CASD1: variants seen among roughly 807,000 people sequenced by gnomAD.
CASD1 encodes N-acetylneuraminate (7)9-O-acetyltransferase.
Under a neutral mutation model 100.0 loss-of-function variants are expected in CASD1, and 41 were observed. The ratio of observed to expected loss-of-function variants is 0.41; its 90% CI spans 0.32 to 0.53. The LOEUF is 0.53. Among genes scored for constraint, CASD1 ranks in the 20% least tolerant of loss-of-function variants. The probability of loss-of-function intolerance (pLI) is 0.25; values close to 1 mark genes in which losing one functional copy is unlikely to be tolerated. For missense variants in CASD1, 774 were observed against 948.7 expected, an observed-to-expected ratio of 0.82 and a Z score of 2.42; for synonymous variants, 321 against 315.6, an observed-to-expected ratio of 1.02 and a Z score of -0.18.
intron 3 of CASD1, among the ~76,000 whole-genome samples, chr7:94,523,854 C>T (rs1004868109): frequency 1.3e-5 from 2 of 151,994 alleles, no homozygotes; most frequent in African/African-American, 4.8e-5. Flanking sequence ...AACAAAGAAA[C>T]CATTAGAATA....
the CASD1 span, among the ~76,000 whole-genome samples, chr7:94,610,055 C>T: frequency 2.0e-5 from 3 of 151,992 alleles, no homozygotes; most frequent in South Asian, 2.1e-4. Context: ...AGCCATGAAA[C>T]GATATGGAAG....
chr7:94,541,868 A>G (rs1332621070), intron 10 of CASD1, among the ~76,000 whole-genome samples: 1 of 152,038 alleles, frequency 6.6e-6, no homozygotes, highest in Non-Finnish European at 1.5e-5. Context: ...AGGTGGTGAA[A>G]TAGTTTAGGA....
chr7:94,629,499 A>C, the CASD1 span: 1 of 457,822 alleles, frequency 2.2e-6, no homozygotes, highest in South Asian at 2.2e-5. Context: ...CTCAAGACTG[A>C]GAATCCAGAA....
At chr7:94,621,336 G>A in the CASD1 span, 5 of 152,184 alleles carry the variant, frequency 3.3e-5, no homozygotes, top group African/African-American at 1.2e-4. Context: ...ACTGCCTGGA[G>A]TAAAGGTGGA....
rs1012788325 is a variant in CASD1 at position 94,547,080 on chromosome 7, A to G, written c.1634-16A>G. On this transcript the variant is annotated splice_polypyrimidine_tract_variant and intron_variant, in intron 12 of 17. Coordinates refer to ENST00000297273, the MANE Select transcript of CASD1 (RefSeq NM_022900.5). ...ATAAATTTATTTTTTAGTAAATTAA[A>G]TATTTTCTCTCTTAGGAAATTGTTT... 8 of 1,522,664 alleles carry G rather than the reference A, an allele frequency of 5.3e-6. No homozygotes were observed. In the African/African-American group the frequency reaches 5.6e-5, roughly 11 times the overall value. 94.3% of individuals were successfully genotyped at this position (1,522,664 alleles called of 1,614,324 possible).
At chr7:94,611,329 G>A in the CASD1 span, among the ~76,000 whole-genome samples, 2 of 152,072 alleles carry the variant, frequency 1.3e-5, no homozygotes, top group African/African-American at 4.8e-5. Context: ...ATGAAATACT[G>A]ATTTATTCTA....
intron 5 of CASD1, among the ~76,000 whole-genome samples, chr7:94,532,096 C>G (rs1449592554): frequency 6.6e-6 from 1 of 151,984 alleles, no homozygotes; most frequent in African/African-American, 2.4e-5. Context: ...TATACTATTG[C>G]TATATATTAT....
chr7:94,512,289 A>C (rs989509298), intron 1 of CASD1, among the ~76,000 whole-genome samples: 1 of 152,218 alleles, frequency 6.6e-6, no homozygotes, highest in African/African-American at 2.4e-5. Flanking sequence ...CGTATCATTT[A>C]AAGAAGGTTT....
chr7:94,633,380 A>T, the CASD1 span, among the ~76,000 whole-genome samples: 2 of 152,142 alleles, frequency 1.3e-5, no homozygotes, highest in East Asian at 3.8e-4. Flanking sequence ...TTTTTTAAGT[A>T]ATAATTACAT....
At chr7:94,599,964 G>T in the CASD1 span, 3 of 376,064 alleles carry the variant, frequency 8.0e-6, no homozygotes, top group Non-Finnish European at 1.4e-5. Flanking sequence ...TCAAGGCCTT[G>T]ATTGAAATAA....
intron 9 of CASD1, 131 bp from the exon 10 acceptor site, chr7:94,538,836 C>A: frequency 2.2e-6 from 1 of 449,914 alleles, no homozygotes; most frequent in East Asian, 3.4e-5. Context: ...AACTGTTTCT[C>A]ACCATCAAGG....
Position 94,509,944 on chromosome 7 carries a change from T to G in CASD1, c.-141T>G. On this transcript the variant is annotated 5_prime_UTR_variant, in exon 1 of 18. Transcript: ENST00000297273. ...GGGCGCCGCGGCCGCGGGGTCAGGTTCCCCGGCGGGAGGCGCAGGTGGCGG... is the reference window on the plus strand; with the variant it reads ...GGGCGCCGCGGCCGCGGGGTCAGGTGCCCCGGCGGGAGGCGCAGGTGGCGG... 8.4e-7 allele frequency: 1 copy of G among 1,187,276 alleles called. No homozygotes were observed. Among genetic ancestry groups the G allele is most frequent in the Non-Finnish European group, 1.1e-6 (1 of 952,180 alleles). The allele number at this position is 1,187,276 out of a possible 1,614,324, so 73.5% of individuals were successfully genotyped here.
the CASD1 span, among the ~76,000 whole-genome samples, chr7:94,564,273 A>G: frequency 6.6e-6 from 1 of 152,264 alleles, no homozygotes; most frequent in South Asian, 2.1e-4. Context: ...TGCTTGGTTG[A>G]GCTTGTTGTA....
At chr7:94,565,068 C>T in the CASD1 span, among the ~76,000 whole-genome samples, 1 of 151,890 alleles carries the variant, frequency 6.6e-6, no homozygotes, top group Non-Finnish European at 1.5e-5. Context: ...ATTCGCTGCC[C>T]ATCTATTTTT....
intron 5 of CASD1, 62 bp downstream of exon 5, chr7:94,528,312 A>T: frequency 1.7e-6 from 2 of 1,194,028 alleles, no homozygotes; most frequent in Admixed American, 4.7e-5. Flanking sequence ...ACACAAGCAT[A>T]TTTTTATTCC....
chr7:94,550,444 C>T (rs895224493), intron 14 of CASD1, among the ~76,000 whole-genome samples: 1 of 152,122 alleles, frequency 6.6e-6, no homozygotes, highest in African/African-American at 2.4e-5. Context: ...TCAACATTCT[C>T]ATTAGAGCAG....
Position 94,537,824 on chromosome 7 carries a change from A to T in CASD1, c.1196A>T (p.His399Leu). 2 of 1,592,768 alleles carry T rather than the reference A, an allele frequency of 1.3e-6. No homozygotes were observed. Among genetic ancestry groups the T allele is most frequent in the Non-Finnish European group, 1.7e-6 (2 of 1,160,870 alleles). ...ATGAAGGAAAACAAATTTTATACAC[A>T]TTCATCTTTCTTTATTCCAATTATC... ...LFMKENKFYT[H>L]SSFFIPIIYI... The change falls in exon 9 of 18, where the codon CAT (histidine) becomes CTT (leucine). Residue 399 changes from histidine (H) to leucine (L), a missense_variant. Physicochemically the swap from His to Leu is moderately conservative, Grantham distance 99. This residue lies in a region of CASD1 where 453 missense variants were observed against 532.6 expected (regional missense o/e 0.85). Coordinates refer to ENST00000297273, the MANE Select transcript of CASD1 (RefSeq NM_022900.5).
chr7:94,622,146 T>C, the CASD1 span: 3 of 152,218 alleles, frequency 2.0e-5, no homozygotes, highest in East Asian at 3.8e-4. Flanking sequence ...AATTAGTAGG[T>C]TCTGATAAAA....
chr7:94,517,084 A>G (rs1366476282), intron 1 of CASD1, among the ~76,000 whole-genome samples: 2 of 151,918 alleles, frequency 1.3e-5, no homozygotes, highest in African/African-American at 4.8e-5. Context: ...TTGTATTTTT[A>G]GTAGAGATGG....
Sources: gnomAD v4.1 joint callset for allele counts (sites outside exome capture counted in the v4.1 genomes callset) on GRCh38, gnomAD v4.1.1 for gene constraint, gnomAD v4.1.1 regional missense constraint, MANE v1.5 for transcripts, NCBI Gene and HGNC (gene_info 2026-07-23, HGNC 2026-07-21) for gene names.